Variants in RAB3GAP2 observed in about 807,000 individuals in gnomAD.
RAB3GAP2 encodes the protein rab3 GTPase-activating protein non-catalytic subunit.
RAB3GAP2 carries 87 observed loss-of-function variants against 185.3 expected under a neutral mutation model. The observed-to-expected ratio is 0.47, with a 90% CI of 0.39 to 0.56. RAB3GAP2 has a LOEUF of 0.56. Ranked by LOEUF, RAB3GAP2 falls within the 20% of genes least tolerant of loss-of-function variation. The pLI is 0.00. For missense variants in RAB3GAP2, 1,492 were observed against 1,638.2 expected, an observed-to-expected ratio of 0.91 and a Z score of 1.54; for synonymous variants, 554 against 576.1, an observed-to-expected ratio of 0.96 and a Z score of 0.55.
intron 2 of RAB3GAP2, among the ~76,000 whole-genome samples, chr1:220,230,652 A>G (rs1025073871): frequency 6.6e-6 from 1 of 152,106 alleles, no homozygotes; most frequent in African/African-American, 2.4e-5. Context: ...ATCCTCCCCA[A>G]CTGGGTATGA....
At chr1:220,252,178 T>C (rs1413665303) in intron 1 of RAB3GAP2, among the ~76,000 whole-genome samples, 1 of 119,682 alleles carries the variant, frequency 8.4e-6, no homozygotes, top group Non-Finnish European at 1.8e-5. Flanking sequence ...AAAGAGAAAA[T>C]GAAGAAAAAA....
At chr1:220,186,208 C>T (rs753801121) in intron 17 of RAB3GAP2, among the ~76,000 whole-genome samples, 1 of 151,988 alleles carries the variant, frequency 6.6e-6, no homozygotes, top group Non-Finnish European at 1.5e-5. Context: ...AATACAGTAC[C>T]CACCCTTCCC....
At chr1:220,214,420 G>C (rs1446346923) in intron 2 of RAB3GAP2, among the ~76,000 whole-genome samples, 1 of 152,022 alleles carries the variant, frequency 6.6e-6, no homozygotes, top group African/African-American at 2.4e-5. Flanking sequence ...CAGCTACTCG[G>C]GAGGCTGAGG....
intron 21 of RAB3GAP2, among the ~76,000 whole-genome samples, chr1:220,175,461 C>A (rs12031873): frequency 0.36 from 55,262 of 151,902 alleles, 10,730 homozygotes; most frequent in Middle Eastern, 0.44. Context: ...TCGTGATTCG[C>A]CCGCCTTGGC....
At chr1:220,159,514 A>C (rs1657922844) in intron 28 of RAB3GAP2, 93 bp from the exon 29 acceptor site, 1 of 959,228 alleles carries the variant, frequency 1.0e-6, no homozygotes, top group South Asian at 1.5e-5. Context: ...CGAATTTAAA[A>C]ACCGTAAATG....
chr1:220,214,793 G>A (rs1194416183), intron 2 of RAB3GAP2, among the ~76,000 whole-genome samples: 1 of 150,966 alleles, frequency 6.6e-6, no homozygotes, highest in Non-Finnish European at 1.5e-5. Flanking sequence ...GCTATAAAAA[G>A]GTGTTCTTTG....
At chr1:220,203,890 A>G (rs1658908963) in intron 8 of RAB3GAP2, among the ~76,000 whole-genome samples, 1 of 152,196 alleles carries the variant, frequency 6.6e-6, no homozygotes, top group Non-Finnish European at 1.5e-5. Flanking sequence ...TTTTTATTGC[A>G]ATATAAGATG....
In RAB3GAP2 at chr1:220,198,727, T is replaced by G. The variant is rs535021002; in HGVS notation, c.812-2329A>C. On this transcript the variant is annotated intron_variant, in intron 9 of 34. Transcript: ENST00000358951. Reference sequence around the variant, plus strand: ...TTACATTTCCTTGGCTGTGCATTCTTTTTTTTCTGGAGTTATTATTACCTT... The same window carrying G: ...TTACATTTCCTTGGCTGTGCATTCTGTTTTTTCTGGAGTTATTATTACCTT... Among the ~76,000 whole-genome samples, 5 of 152,282 alleles carry G rather than the reference T, an allele frequency of 3.3e-5. No individual in the cohort carries two copies. In the East Asian group the frequency reaches 9.6e-4, roughly 29 times the overall value.
intron 17 of RAB3GAP2, among the ~76,000 whole-genome samples, chr1:220,186,967 C>A (rs1558148610): frequency 6.6e-6 from 1 of 152,160 alleles, no homozygotes; most frequent in African/African-American, 2.4e-5. Context: ...AGAGACTTTA[C>A]CCTGAGCAAA....
chr1:220,262,982 T>TA (rs1397105193), intron 1 of RAB3GAP2, among the ~76,000 whole-genome samples: 3 of 151,966 alleles, frequency 2.0e-5, no homozygotes, highest in Admixed American at 2.0e-4. Context: ...TTTTTTTTTT[T>TA]ATAGTAGCCA....
At chr1:220,242,990 T>C (rs1264300711) in intron 1 of RAB3GAP2, among the ~76,000 whole-genome samples, 3 of 152,208 alleles carry the variant, frequency 2.0e-5, no homozygotes, top group Non-Finnish European at 4.4e-5. Context: ...TTGCTTTTAT[T>C]CATTTTCGTT....
chr1:220,156,320 C>T (rs1319731224), intron 31 of RAB3GAP2, among the ~76,000 whole-genome samples: 1 of 152,154 alleles, frequency 6.6e-6, no homozygotes, highest in Non-Finnish European at 1.5e-5. Flanking sequence ...TTCTCTAACC[C>T]AGCTTCTATC....
chr1:220,189,619 G>A lies in RAB3GAP2; in HGVS notation c.1779+84C>T, dbSNP rs1222904987. Reference sequence around the variant, plus strand: ...AAGAAGACTTCAGCCTCTCATGTTTGGGGGAAATAGGAAAATAAAGATTTT... The same window carrying A: ...AAGAAGACTTCAGCCTCTCATGTTTAGGGGAAATAGGAAAATAAAGATTTT... On this transcript the variant is annotated intron_variant, in intron 17 of 34. Transcript: ENST00000358951. The A allele has an allele frequency of 2.2e-6, 3 of 1,342,272 alleles. No individual in the cohort carries two copies. The East Asian group carries it at 7.7e-5, about 34-fold the overall frequency. 83.1% of individuals were successfully genotyped at this position (1,342,272 alleles called of 1,614,324 possible).
chr1:220,248,557 A>G (rs1659861911), intron 1 of RAB3GAP2, among the ~76,000 whole-genome samples: 1 of 152,130 alleles, frequency 6.6e-6, no homozygotes, highest in Non-Finnish European at 1.5e-5. Context: ...ATCGTTCCCA[A>G]ATTAATATAT....
intron 1 of RAB3GAP2, chr1:220,253,431 T>A (rs1416973368): frequency 7.3e-7 from 1 of 1,370,646 alleles, no homozygotes. Flanking sequence ...GTGGCCAGAC[T>A]GTTAAAAGAA....
intron 1 of RAB3GAP2, chr1:220,254,127 CAAG>C: frequency 6.2e-7 from 1 of 1,613,774 alleles, no homozygotes; most frequent in African/African-American, 1.3e-5. Flanking sequence ...ATCTTCCTGC[CAAG>C]AAGAATGTGG....
Position 220,151,750 on chromosome 1 carries a change from A to T in RAB3GAP2, c.3882T>A (p.Val1294=), listed in dbSNP as rs759152168. 5 of 1,609,910 alleles carry T rather than the reference A, an allele frequency of 3.1e-6. No homozygotes were observed. In the Admixed American group the frequency reaches 8.3e-5, roughly 27 times the overall value. ...GAGAGGCAAGGACCTCTTTGTCATG[A>T]ACCTGTAGAATGGCCTGAAGATAGG... The part of the protein sequence containing the change: ...DHLGEEAILQ[V]HDKEVLASQL... Residue 1294 remains valine, a synonymous_variant, in exon 34 of 35, where the codon GTT becomes GTA. Coordinates refer to ENST00000358951, the MANE Select transcript of RAB3GAP2 (RefSeq NM_012414.4).
At position 220,195,151 on chromosome 1, in the gene RAB3GAP2, T is replaced by C. The variant is rs1658700343; in HGVS notation, c.1057A>G (p.Lys353Glu). The part of the protein sequence containing the change: ...FNAASGWLGW[K>E]SKHEEEAVQK... ...ACAGCTTCTTCTTCGTGCTTACTTTTCCAACCAAGCCAACCACTGAAAAGA... is the reference window on the plus strand; with the variant it reads ...ACAGCTTCTTCTTCGTGCTTACTTTCCCAACCAAGCCAACCACTGAAAAGA... Residue 353 changes from lysine (K) to glutamate (E), a missense_variant, in exon 12 of 35, where the codon AAA becomes GAA. This residue lies in a region of RAB3GAP2 where 243 missense variants were observed against 314.8 expected (regional missense o/e 0.77). Transcript: ENST00000358951. 3.1e-6 allele frequency: 5 copies of C among 1,614,182 alleles called. No homozygotes were observed. The highest frequency in any genetic ancestry group is 1.7e-6 in the Non-Finnish European group (2 of 1,180,016).
chr1:220,168,289 G>A (rs1658109611), intron 24 of RAB3GAP2, among the ~76,000 whole-genome samples: 2 of 151,922 alleles, frequency 1.3e-5, no homozygotes, highest in South Asian at 2.1e-4. Flanking sequence ...ATGGGGTTTC[G>A]CCATGTTGGC....
Sources: gnomAD v4.1 joint callset for allele counts (sites outside exome capture counted in the v4.1 genomes callset) on GRCh38, gnomAD v4.1.1 for gene constraint, gnomAD v4.1.1 regional missense constraint, MANE v1.5 for transcripts, NCBI Gene and HGNC (gene_info 2026-07-23, HGNC 2026-07-21) for gene names.